HPSE2: variants seen among roughly 807,000 people sequenced by gnomAD.
HPSE2 encodes the protein inactive heparanase-2.
In HPSE2, 38 loss-of-function variants were observed where a neutral mutation model predicts 60.5. That is an observed-to-expected ratio of 0.63 (90% CI 0.48 to 0.82). The LOEUF (loss-of-function observed/expected upper bound fraction) is 0.82. HPSE2 is among the 40% of genes least tolerant of loss of function. The probability of loss-of-function intolerance (pLI) is 0.00; values close to 1 mark genes in which losing one functional copy is unlikely to be tolerated. For synonymous variants in HPSE2, 295 were observed against 293.2 expected (o/e 1.01, Z -0.06); for missense variants, 713 against 740.4 (o/e 0.96, Z 0.43).
intron 3 of HPSE2, chr10:99,013,201 T>C (rs989393908): frequency 2.2e-5 from 15 of 667,706 alleles, no homozygotes; most frequent in Non-Finnish European, 3.4e-5. Context: ...TGATCTTTAA[T>C]AGATGTTAGC....
chr10:99,027,332 A>G (rs1350474583), intron 3 of HPSE2, among the ~76,000 whole-genome samples: 1 of 151,996 alleles, frequency 6.6e-6, no homozygotes, highest in African/African-American at 2.4e-5. Context: ...AGTGGCTACT[A>G]TGAGTAACTA....
intron 2 of HPSE2, among the ~76,000 whole-genome samples, chr10:99,222,495 G>A (rs865830911): frequency 1.7e-4 from 26 of 152,228 alleles, no homozygotes; most frequent in Middle Eastern, 3.4e-3. Context: ...AAACTTGAAG[G>A]AAGAATAAGT....
chr10:98,817,193 TTTTCCTATTGGTC>T (rs1951311767), intron 3 of HPSE2, among the ~76,000 whole-genome samples: 2 of 152,242 alleles, frequency 1.3e-5, no homozygotes, highest in East Asian at 3.9e-4. Context: ...TATTTGGAAA[TTTTCCTATTGGTC>T]AGTATTATTA....
chr10:98,963,974 A>C (rs558811180), intron 3 of HPSE2, among the ~76,000 whole-genome samples: 1 of 152,326 alleles, frequency 6.6e-6, no homozygotes, highest in African/African-American at 2.4e-5. Flanking sequence ...CCCGATGGAG[A>C]TAAAATATTT....
At chr10:98,521,787 A>G (rs538773973) in intron 9 of HPSE2, among the ~76,000 whole-genome samples, 50 of 152,296 alleles carry the variant, frequency 3.3e-4, no homozygotes, top group African/African-American at 1.2e-3. Flanking sequence ...TATACACCAT[A>G]GAATACTATG....
At chr10:98,575,767 T>A (rs1944624263) in intron 9 of HPSE2, among the ~76,000 whole-genome samples, 1 of 152,214 alleles carries the variant, frequency 6.6e-6, no homozygotes, top group South Asian at 2.1e-4. Flanking sequence ...TTCTTGACTT[T>A]CTTTCCCTAG....
At chr10:98,960,701 C>CTTTTTTTTTTTTTTTTTTTTTTT in intron 3 of HPSE2, among the ~76,000 whole-genome samples, 36 of 57,526 alleles carry the variant, frequency 6.3e-4, no homozygotes, top group Admixed American at 1.3e-3. Context: ...ATGTACATTT[C>CTTTTTTTTTTTTTTTTTTTTTTT]TTTTTTTTTT....
rs187694169 is a variant in HPSE2 at position 98,717,441 on chromosome 10, C to A, written c.956+4216G>T. Reference sequence around the variant, plus strand: ...TCAGCCTGTCATGGCTTTCAACATGCCTTCCTCATTAAGCTTAATCGTATT... The same window carrying A: ...TCAGCCTGTCATGGCTTTCAACATGACTTCCTCATTAAGCTTAATCGTATT... On this transcript the variant is annotated intron_variant, in intron 5 of 11. Transcript: ENST00000370552. 1.7e-4 allele frequency among the ~76,000 whole-genome samples: 26 copies of A among 152,236 alleles called. No individual in the cohort carries two copies. In the East Asian group the frequency reaches 2.5e-3, roughly 15 times the overall value.
At chr10:99,141,537 T>C (rs1589722086) in intron 3 of HPSE2, among the ~76,000 whole-genome samples, 1 of 152,338 alleles carries the variant, frequency 6.6e-6, no homozygotes, top group Middle Eastern at 3.4e-3. Context: ...TAAGGAATAC[T>C]TCAACGAAGT....
intron 9 of HPSE2, among the ~76,000 whole-genome samples, chr10:98,508,451 T>C (rs946679991): frequency 6.6e-6 from 1 of 152,214 alleles, no homozygotes; most frequent in Non-Finnish European, 1.5e-5. Flanking sequence ...CAGTGCCTAG[T>C]AGAGTGCCCG....
intron 9 of HPSE2, among the ~76,000 whole-genome samples, chr10:98,574,043 A>G (rs920496919): frequency 1.4e-5 from 2 of 146,108 alleles, no homozygotes; most frequent in East Asian, 4.3e-4. Flanking sequence ...CTCATCCCCC[A>G]ACCCCTTACC....
At chr10:98,894,644 G>C (rs969973744) in intron 3 of HPSE2, among the ~76,000 whole-genome samples, 4 of 152,048 alleles carry the variant, frequency 2.6e-5, no homozygotes, top group Non-Finnish European at 1.5e-5. Flanking sequence ...AATGAGGTTA[G>C]ACTGAAAAGG....
chr10:99,009,366 G>C (rs1956962248), intron 3 of HPSE2, among the ~76,000 whole-genome samples: 1 of 151,696 alleles, frequency 6.6e-6, no homozygotes, highest in South Asian at 2.1e-4. Context: ...GCTGCAATGA[G>C]CTATTACTGC....
In HPSE2 at chr10:98,721,700, T is replaced by C; in HGVS notation, c.913A>G (p.Asn305Asp). 1 of 1,613,840 alleles carries C rather than the reference T, an allele frequency of 6.2e-7. No homozygotes were observed. Among genetic ancestry groups the C allele is most frequent in the Non-Finnish European group, 8.5e-7 (1 of 1,179,908 alleles). ...ACATTCTTCCTCGGCCGCCCAATAT[T>C]AGGGCCATATAAGCTGGCTCTGGAA... ...IYSRASLYGP[N>D]IGRPRKNVIA... Residue 305 changes from asparagine (N) to aspartate (D), a missense_variant, in exon 5 of 12, where the codon AAT (asparagine) becomes GAT (aspartate). By Grantham distance (23) the Asn-to-Asp change is conservative. Transcript: ENST00000370552.
chr10:99,039,523 G>A (rs1027710811), intron 3 of HPSE2, among the ~76,000 whole-genome samples: 1 of 149,592 alleles, frequency 6.7e-6, no homozygotes, highest in Non-Finnish European at 1.5e-5. Flanking sequence ...ATATATGTGT[G>A]TATATTATAT....
chr10:98,621,996 T>TA (rs1278045702), intron 7 of HPSE2, among the ~76,000 whole-genome samples: 2 of 152,198 alleles, frequency 1.3e-5, no homozygotes, highest in Non-Finnish European at 2.9e-5. Flanking sequence ...GCCCCCCAGC[T>TA]ACTCTCCTAG....
chr10:98,812,270 A>G lies in HPSE2; in HGVS notation c.611-68214T>C, dbSNP rs1171894231. ...ATTATGAATGAATCAGGAGTTACCC[A>G]TAAGAGATTATCTGGTGGTGATTCT... On this transcript the variant is annotated intron_variant, in intron 3 of 11. Coordinates refer to ENST00000370552, the MANE Select transcript of HPSE2 (RefSeq NM_021828.5). Among the ~76,000 whole-genome samples, 35 of 152,212 alleles carry G rather than the reference A, an allele frequency of 2.3e-4. No homozygotes were observed. In the East Asian group the frequency reaches 4.0e-3, roughly 18 times the overall value.
chr10:98,861,645 G>T (rs1192416762), intron 3 of HPSE2, among the ~76,000 whole-genome samples: 1 of 152,116 alleles, frequency 6.6e-6, no homozygotes, highest in Non-Finnish European at 1.5e-5. Flanking sequence ...TTCAATACTT[G>T]CCTTTTGACA....
chr10:98,697,426 G>A (rs922484926), intron 5 of HPSE2, among the ~76,000 whole-genome samples: 1 of 152,092 alleles, frequency 6.6e-6, no homozygotes, highest in African/African-American at 2.4e-5. Flanking sequence ...AGACCATCTT[G>A]CTGAAATAAG....
Sources: allele counts gnomAD v4.1 joint callset (sites outside exome capture counted in the v4.1 genomes callset), GRCh38; gene constraint gnomAD v4.1.1; transcripts MANE v1.5; gene names NCBI Gene and HGNC (gene_info 2026-07-23, HGNC 2026-07-21).